Variants in ZNF282 observed in about 807,000 individuals in gnomAD.
The protein encoded by ZNF282 is HTLV-I U5 repressive element-binding protein 1.
Under a neutral mutation model 61.9 loss-of-function variants are expected in ZNF282, and 30 were observed. The observed-to-expected ratio is 0.48, with a 90% CI of 0.36 to 0.66. ZNF282 has a LOEUF of 0.66. ZNF282 is among the 30% of genes least tolerant of loss of function. The pLI, the probability that ZNF282 is intolerant of heterozygous loss-of-function variation, is 0.00. For missense variants in ZNF282, 788 were observed against 941.4 expected (o/e 0.84, Z 2.13); for synonymous variants, 396 against 405.0 (o/e 0.98, Z 0.27).
chr7:149,212,807 C>A (rs1365686875), intron 6 of ZNF282, among the ~76,000 whole-genome samples: 3 of 152,174 alleles, frequency 2.0e-5, no homozygotes, highest in Non-Finnish European at 4.4e-5. Flanking sequence ...CTTCTGAACT[C>A]CTGGCCTCAA....
Position 149,207,441 on chromosome 7 carries a change from A to T in ZNF282, c.803A>T (p.Glu268Val), listed in dbSNP as rs1276291890. The part of the protein sequence containing the change: ...PCVWEQRHPE[E>V]REIPMDPEAG... ...GTGTGGGAGCAGCGCCACCCCGAAG[A>T]GAGAGAAATCCCAATGGATCCCGAA... is the stretch of plus-strand genomic sequence containing the variant. Residue 268 changes from glutamate (E) to valine (V), a missense_variant, in exon 4 of 8, where the codon GAG becomes GTG. By Grantham distance (121) the Glu-to-Val change is moderately radical. Coordinates refer to ENST00000610704, the MANE Select transcript of ZNF282 (RefSeq NM_003575.4). 3.2e-6 allele frequency: 5 copies of T among 1,564,018 alleles called. No individual in the cohort carries two copies. The highest frequency in any genetic ancestry group is 4.3e-6 in the Non-Finnish European group (5 of 1,153,242).
chr7:149,219,567 T>C (rs1194121875), intron 7 of ZNF282, among the ~76,000 whole-genome samples: 8 of 151,420 alleles, frequency 5.3e-5, no homozygotes. Context: ...TCAATGGAGG[T>C]TGGGTGTGGT....
In ZNF282 at chr7:149,221,983, T is replaced by C. The variant is rs145336203; in HGVS notation, c.1181-1829T>C. Among the ~76,000 whole-genome samples, 429 of 147,158 alleles carry C rather than the reference T, an allele frequency of 2.9e-3. 3 individuals carry two copies. The highest frequency in any genetic ancestry group is 9.9e-3 in the African/African-American group (396 of 40,140). ...AGCTCTTCCACAGGCTTCCCCTAAA[T>C]TGGGGAGCAGGACTCCTCTAGGGAG... On this transcript the variant is annotated intron_variant, in intron 7 of 7. Transcript: ENST00000610704.
intron 2 of ZNF282, among the ~76,000 whole-genome samples, chr7:149,205,814 G>A (rs1585564046): frequency 6.6e-6 from 1 of 152,228 alleles, no homozygotes; most frequent in South Asian, 2.1e-4. Flanking sequence ...TAGATGAATG[G>A]ACTGTAATCA....
In ZNF282 at chr7:149,224,395, C is replaced by A; in HGVS notation, c.1764C>A (p.His588Gln). The A allele has an allele frequency of 6.2e-7, 1 of 1,613,988 alleles. No individual in the cohort carries two copies. The highest frequency in any genetic ancestry group is 2.2e-5 in the East Asian group (1 of 44,866). The stretch of plus-strand genomic sequence containing the variant: ...AGAAGACCTACAGCCGTAAGGAGCA[C>A]CTGCAGAACCACCAGCGGCTGCACA... Reference protein sequence around the residue: ...ECEKTYSRKEHLQNHQRLHTG... With the variant: ...ECEKTYSRKEQLQNHQRLHTG... Residue 588 changes from histidine (H) to glutamine (Q), a missense_variant, in exon 8 of 8, where the codon CAC becomes CAA. Physicochemically the swap from His to Gln is conservative, Grantham distance 24. This residue lies in a region of ZNF282 where 559 missense variants were observed against 642.0 expected (regional missense o/e 0.87). Transcript: ENST00000610704.
intron 5 of ZNF282, among the ~76,000 whole-genome samples, chr7:149,211,886 A>G (rs1450293411): frequency 2.0e-5 from 3 of 152,256 alleles, no homozygotes; most frequent in African/African-American, 4.8e-5. Flanking sequence ...GAAAGAGAGT[A>G]TAGGGTCTTT....
At chr7:149,218,822 C>T (rs940325386) in intron 7 of ZNF282, among the ~76,000 whole-genome samples, 5 of 151,980 alleles carry the variant, frequency 3.3e-5, no homozygotes, top group Non-Finnish European at 5.9e-5. Flanking sequence ...CTATATATAT[C>T]ATTACAGTTT....
In ZNF282 at chr7:149,215,011, C is replaced by A. The variant is rs2240371; in HGVS notation, c.1180+1197C>A. 3.3e-5 allele frequency among the ~76,000 whole-genome samples: 5 copies of A among 151,908 alleles called. No homozygotes were observed. The East Asian group carries it at 7.8e-4, about 24-fold the overall frequency. ...GTCTCTTGGGTCTTTCTGAAGCTCC[C>A]TTATTGACCTATGACCCTAGGCATA... is the stretch of plus-strand genomic sequence containing the variant. On this transcript the variant is annotated intron_variant, in intron 7 of 7. Coordinates refer to ENST00000610704, the MANE Select transcript of ZNF282 (RefSeq NM_003575.4).
At chr7:149,211,426 G>C (rs924777276) in intron 5 of ZNF282, among the ~76,000 whole-genome samples, 5 of 152,160 alleles carry the variant, frequency 3.3e-5, no homozygotes, top group African/African-American at 1.2e-4. Context: ...TTTCCTTGGG[G>C]GAGGCCAGTC....
At position 149,225,470 on chromosome 7, in the gene ZNF282, T is replaced by C. The variant is rs1250655445; in HGVS notation, c.*823T>C. On this transcript the variant is annotated 3_prime_UTR_variant, in exon 8 of 8. Transcript: ENST00000610704. ...GTACATTCAGAGGGCTCTTTCTCCA[T>C]GGGAGCTCCTGGTGCCGCCTCGGCC... 1 of 152,316 alleles carries C rather than the reference T, an allele frequency of 6.6e-6. No homozygotes were observed. The highest frequency in any genetic ancestry group is 2.4e-5 in the African/African-American group (1 of 41,456). The allele number at this position is 152,316 out of a possible 1,614,324, so 9.4% of individuals were successfully genotyped here.
At chr7:149,206,426 A>G (rs1795991495) in intron 2 of ZNF282, among the ~76,000 whole-genome samples, 1 of 152,204 alleles carries the variant, frequency 6.6e-6, no homozygotes, top group African/African-American at 2.4e-5. Context: ...CTTTACCCTC[A>G]GGTATCCAGT....
At chr7:149,218,926 C>T (rs1796197615) in intron 7 of ZNF282, among the ~76,000 whole-genome samples, 1 of 152,136 alleles carries the variant, frequency 6.6e-6, no homozygotes. Flanking sequence ...TCCATTGTTC[C>T]CTCCCTGTGG....
rs1374964888 is a variant in ZNF282, at chr7:149,221,023, AAT to A, written c.1181-2788_1181-2787del. ...CAGCCTCGACCTCTCAGGTTTAAATAATCCTCTCGCATCAGTCTTCTGAGTAG... is the reference window on the plus strand; with the variant it reads ...CAGCCTCGACCTCTCAGGTTTAAATACCTCTCGCATCAGTCTTCTGAGTAG... On this transcript the variant is annotated intron_variant, in intron 7 of 7. Coordinates refer to ENST00000610704, the MANE Select transcript of ZNF282 (RefSeq NM_003575.4). Among the ~76,000 whole-genome samples, 5 of 151,514 alleles carry A rather than the reference AAT, an allele frequency of 3.3e-5. No homozygotes were observed. In the East Asian group the frequency reaches 9.7e-4, roughly 29 times the overall value.
intron 2 of ZNF282, among the ~76,000 whole-genome samples, chr7:149,202,195 A>C (rs932578879): frequency 1.7e-4 from 22 of 131,906 alleles, no homozygotes; most frequent in African/African-American, 5.9e-4. Flanking sequence ...CCCAGGCTGG[A>C]GGGCAGTGGT....
At chr7:149,210,021 C>G (rs1433946223) in intron 4 of ZNF282, among the ~76,000 whole-genome samples, 1 of 152,166 alleles carries the variant, frequency 6.6e-6, no homozygotes, top group East Asian at 1.9e-4. Flanking sequence ...TTCCAAGAAC[C>G]TGCTGACGAC....
chr7:149,197,730 C>T (rs1324927228), intron 1 of ZNF282, among the ~76,000 whole-genome samples: 2 of 152,198 alleles, frequency 1.3e-5, no homozygotes, highest in Non-Finnish European at 2.9e-5. Context: ...GCCTTGGCCT[C>T]CCAAAGTGCT....
chr7:149,217,799 C>T lies in ZNF282; in HGVS notation c.1180+3985C>T, dbSNP rs544429221. Among the ~76,000 whole-genome samples the T allele has an allele frequency of 4.8e-4, 73 of 151,998 alleles. 1 individual carries two copies. The highest frequency in any genetic ancestry group is 8.3e-4 in the South Asian group (4 of 4,800). Reference sequence around the variant, plus strand: ...CCCTTGGCAGTGGGAAGGAGCCGGCCGTGGGGTTGCAGGGGGAAGAGAAGA... The same window carrying T: ...CCCTTGGCAGTGGGAAGGAGCCGGCTGTGGGGTTGCAGGGGGAAGAGAAGA... On this transcript the variant is annotated intron_variant, in intron 7 of 7. Transcript: ENST00000610704.
rs1796344204 is a variant in ZNF282 at position 149,224,994 on chromosome 7, A to C, written c.*347A>C. Reference sequence around the variant, plus strand: ...GGAGTCCCGAAGCCCTTCTGAGATCAGGAAATCAGGTCCCAAGGTTAGGAG... The same window carrying C: ...GGAGTCCCGAAGCCCTTCTGAGATCCGGAAATCAGGTCCCAAGGTTAGGAG... On this transcript the variant is annotated 3_prime_UTR_variant, in exon 8 of 8. Coordinates refer to ENST00000610704, the MANE Select transcript of ZNF282 (RefSeq NM_003575.4). 1 of 307,774 alleles carries C rather than the reference A, an allele frequency of 3.2e-6. No individual in the cohort carries two copies. The highest frequency in any genetic ancestry group is 2.1e-5 in the African/African-American group (1 of 46,882). The allele number at this position is 307,774 out of a possible 1,614,324, so 19.1% of individuals were successfully genotyped here.
At chr7:149,207,554 C>T in intron 4 of ZNF282, 84 bp downstream of exon 4, 1 of 1,524,590 alleles carries the variant, frequency 6.6e-7, no homozygotes, top group Middle Eastern at 1.9e-4. Flanking sequence ...CCGCGAGGCG[C>T]CACTGTGTGT....
Sources: allele counts gnomAD v4.1 joint callset (sites outside exome capture counted in the v4.1 genomes callset), GRCh38; gene constraint gnomAD v4.1.1; regional missense constraint gnomAD v4.1.1; transcripts MANE v1.5; gene names NCBI Gene and HGNC (gene_info 2026-07-23, HGNC 2026-07-21).